The following LMX1A variants were observed in gnomAD, a reference collection of about 807,000 sequenced individuals.
The protein encoded by LMX1A is LIM homeobox transcription factor 1 alpha.
A neutral mutation model predicts 49.1 loss-of-function variants in LMX1A; 15 were observed. The observed-to-expected ratio is 0.31, with a 90% CI of 0.20 to 0.47. The LOEUF is 0.47. LMX1A is among the 20% of genes least tolerant of loss of function. The probability of loss-of-function intolerance (pLI) is 1.00; values close to 1 mark genes in which losing one functional copy is unlikely to be tolerated. For missense variants in LMX1A, 372 were observed against 475.8 expected (o/e 0.78, Z 2.03); for synonymous variants, 167 against 185.7 (o/e 0.90, Z 0.82).
intron 5 of LMX1A, 191 bp from the exon 6 acceptor site, chr1:165,210,967 G>C: frequency 2.3e-6 from 1 of 439,154 alleles, no homozygotes; most frequent in East Asian, 3.4e-5. Flanking sequence ...TCCTTCACCA[G>C]GTAAAGAAAC....
intron 4 of LMX1A, among the ~76,000 whole-genome samples, chr1:165,248,652 T>C (rs753015854): frequency 6.6e-6 from 1 of 152,196 alleles, no homozygotes; most frequent in Non-Finnish European, 1.5e-5. Context: ...GAAATCATTC[T>C]AGTGCCTTTC....
intron 3 of LMX1A, among the ~76,000 whole-genome samples, chr1:165,341,893 A>C (rs1474306776): frequency 6.6e-6 from 1 of 152,206 alleles, no homozygotes; most frequent in Non-Finnish European, 1.5e-5. Flanking sequence ...TAATTAATGA[A>C]CCAACTGTTT....
chr1:165,238,748 C>A (rs4657419), intron 4 of LMX1A, among the ~76,000 whole-genome samples: 152,111 of 152,356 alleles, frequency 1, 75,933 homozygotes, highest in Middle Eastern at 1. Context: ...TCAGTGAAAC[C>A]TGAGAACAAA....
chr1:165,330,341 G>T (rs1030689513), intron 3 of LMX1A, among the ~76,000 whole-genome samples: 2 of 152,202 alleles, frequency 1.3e-5, no homozygotes, highest in Non-Finnish European at 2.9e-5. Context: ...GGGCATGATG[G>T]CACATGCCTG....
chr1:165,346,290 A>G (rs1170503638), intron 3 of LMX1A, among the ~76,000 whole-genome samples: 1 of 152,218 alleles, frequency 6.6e-6, no homozygotes, highest in Admixed American at 6.5e-5. Flanking sequence ...AGCCAGACAT[A>G]TTTGCTGTTA....
intron 3 of LMX1A, among the ~76,000 whole-genome samples, chr1:165,318,983 CCTCTCT>C (rs137990365): frequency 7.4e-6 from 1 of 136,000 alleles, no homozygotes; most frequent in African/African-American, 2.8e-5. Context: ...GCTGAGATCT[CCTCTCT>C]CTCTCTCTCT....
intron 3 of LMX1A, among the ~76,000 whole-genome samples, chr1:165,350,564 CAAAA>C (rs1227469643): frequency 1.3e-5 from 2 of 151,652 alleles, no homozygotes; most frequent in Non-Finnish European, 2.9e-5. Flanking sequence ...AACAAACAAA[CAAAA>C]ATCTCTCTCC....
At chr1:165,248,622 G>A (rs558607800) in intron 4 of LMX1A, among the ~76,000 whole-genome samples, 2 of 152,296 alleles carry the variant, frequency 1.3e-5, no homozygotes, top group South Asian at 2.1e-4. Flanking sequence ...AGGGTCGAGC[G>A]GGTGGTGAGG....
At chr1:165,350,681 T>C (rs1006949818) in intron 3 of LMX1A, among the ~76,000 whole-genome samples, 3 of 151,922 alleles carry the variant, frequency 2.0e-5, no homozygotes, top group Admixed American at 2.0e-4. Flanking sequence ...GGATGGAGGA[T>C]AGAGAAACGA....
chr1:165,285,135 G>A (rs1654268794), intron 3 of LMX1A, among the ~76,000 whole-genome samples: 1 of 152,168 alleles, frequency 6.6e-6, no homozygotes, highest in East Asian at 1.9e-4. Flanking sequence ...AAGGCATAAG[G>A]ATCTCCCAGC....
intron 3 of LMX1A, among the ~76,000 whole-genome samples, chr1:165,309,373 G>T (rs1379783274): frequency 6.6e-6 from 1 of 152,188 alleles, no homozygotes; most frequent in Non-Finnish European, 1.5e-5. Context: ...GCCCCCAGTG[G>T]CAAAACTGAG....
intron 3 of LMX1A, among the ~76,000 whole-genome samples, chr1:165,287,008 G>A (rs1654320622): frequency 6.6e-6 from 1 of 152,102 alleles, no homozygotes; most frequent in South Asian, 2.1e-4. Flanking sequence ...TTAAAATGCA[G>A]GGGGTAAATA....
intron 3 of LMX1A, among the ~76,000 whole-genome samples, chr1:165,329,538 A>G (rs1655682739): frequency 6.6e-6 from 1 of 152,182 alleles, no homozygotes; most frequent in South Asian, 2.1e-4. Context: ...AGTAAAATTG[A>G]ACATCCCCAC....
rs773052811 is a variant in LMX1A at position 165,353,228 on chromosome 1, G to T, written c.111C>A (p.Gly37=). The T allele has an allele frequency of 2.6e-5, 42 of 1,613,370 alleles. No homozygotes were observed. The highest frequency in any genetic ancestry group is 3.5e-5 in the Non-Finnish European group (41 of 1,180,016). The change falls in exon 3 of 9, where the codon GGC becomes GGA. Residue 37 remains glycine (G), a synonymous_variant. Coordinates refer to ENST00000342310, the MANE Select transcript of LMX1A (RefSeq NM_177398.4). ...RAVSPKSVCE[G]CQRVILDRFL... is the part of the protein sequence containing the mutation. ...ACCTGTCCAAGATGACCCGCTGACA[G>T]CCCTCGCAGACAGACTTGGGGCTCA...
chr1:165,247,854 T>C (rs1008958976), intron 4 of LMX1A, among the ~76,000 whole-genome samples: 1 of 152,218 alleles, frequency 6.6e-6, no homozygotes, highest in African/African-American at 2.4e-5. Flanking sequence ...GATATAGTGA[T>C]ATAACCTGGC....
At chr1:165,329,141 T>G (rs1310436602) in intron 3 of LMX1A, among the ~76,000 whole-genome samples, 1 of 152,180 alleles carries the variant, frequency 6.6e-6, no homozygotes, top group Non-Finnish European at 1.5e-5. Flanking sequence ...CAGGTATGTC[T>G]TACATGCTGG....
At chr1:165,214,266 C>T (rs543059147) in intron 4 of LMX1A, among the ~76,000 whole-genome samples, 2 of 152,196 alleles carry the variant, frequency 1.3e-5, no homozygotes, top group South Asian at 4.1e-4. Flanking sequence ...CACACTCTTT[C>T]TCTCCTGCTT....
intron 3 of LMX1A, among the ~76,000 whole-genome samples, chr1:165,311,084 G>C (rs1174621525): frequency 6.6e-6 from 1 of 152,146 alleles, no homozygotes; most frequent in Non-Finnish European, 1.5e-5. Flanking sequence ...AGATGTAATG[G>C]AATTCCGAGA....
At chr1:165,316,525 G>A (rs1464091109) in intron 3 of LMX1A, among the ~76,000 whole-genome samples, 1 of 152,206 alleles carries the variant, frequency 6.6e-6, no homozygotes, top group East Asian at 1.9e-4. Flanking sequence ...ACTCCCTCAA[G>A]CTGCTTCACA....
Sources: allele counts gnomAD v4.1 joint callset (sites outside exome capture counted in the v4.1 genomes callset), GRCh38; gene constraint gnomAD v4.1.1; transcripts MANE v1.5; gene names NCBI Gene and HGNC (gene_info 2026-07-23, HGNC 2026-07-21).